Variants in CDH18 observed in about 807,000 individuals in gnomAD.
CDH18 encodes cadherin-18.
CDH18 carries 31 observed loss-of-function variants against 67.9 expected under a neutral mutation model. The ratio of observed to expected loss-of-function variants is 0.46; its 90% CI spans 0.34 to 0.62. CDH18 has a LOEUF of 0.62. Ranked by LOEUF, CDH18 falls within the 20% of genes least tolerant of loss-of-function variation. CDH18 has a pLI of 0.01. For synonymous variants in CDH18, 362 were observed against 347.2 expected (o/e 1.04, Z -0.48); for missense variants, 890 against 975.5 (o/e 0.91, Z 1.17).
intron 5 of CDH18, among the ~76,000 whole-genome samples, chr5:19,642,951 C>T (rs532678716): frequency 6.6e-6 from 1 of 151,922 alleles, no homozygotes; most frequent in Non-Finnish European, 1.5e-5. Flanking sequence ...AAAATATATA[C>T]AGAACTCACA....
chr5:19,654,486 C>A (rs1460905957), intron 5 of CDH18, among the ~76,000 whole-genome samples: 1 of 152,138 alleles, frequency 6.6e-6, no homozygotes, highest in Non-Finnish European at 1.5e-5. Flanking sequence ...AGCCGCTGTG[C>A]ATTCAAACCC....
intron 1 of CDH18, among the ~76,000 whole-genome samples, chr5:20,512,047 C>G (rs1755068595): frequency 6.6e-6 from 1 of 151,818 alleles, no homozygotes; most frequent in South Asian, 2.1e-4. Flanking sequence ...ATAGTGAAAC[C>G]CCATCTCTAC....
At chr5:20,551,045 C>A (rs1258324455) in intron 1 of CDH18, among the ~76,000 whole-genome samples, 1 of 152,006 alleles carries the variant, frequency 6.6e-6, no homozygotes, top group Non-Finnish European at 1.5e-5. Context: ...AAGTTTCTGG[C>A]AATTCATTAC....
chr5:20,377,677 A>G (rs1295529481), intron 1 of CDH18, among the ~76,000 whole-genome samples: 1 of 152,230 alleles, frequency 6.6e-6, no homozygotes, highest in East Asian at 1.9e-4. Flanking sequence ...AAATATGTTA[A>G]TCATGACTTA....
At chr5:20,301,710 T>C (rs1318314658) in intron 1 of CDH18, among the ~76,000 whole-genome samples, 1 of 152,068 alleles carries the variant, frequency 6.6e-6, no homozygotes, top group Non-Finnish European at 1.5e-5. Context: ...GAAAACTTGT[T>C]TTGAACTCTA....
chr5:20,444,035 AG>A (rs1347300767), intron 1 of CDH18, among the ~76,000 whole-genome samples: 3 of 151,958 alleles, frequency 2.0e-5, no homozygotes, highest in Non-Finnish European at 4.4e-5. Flanking sequence ...TTGCTACAAA[AG>A]ATGTTTATAT....
intron 9 of CDH18, among the ~76,000 whole-genome samples, chr5:19,537,971 G>A (rs1272239805): frequency 6.6e-6 from 1 of 152,152 alleles, no homozygotes; most frequent in Non-Finnish European, 1.5e-5. Context: ...GATGAACATA[G>A]TCAAATGTCA....
intron 8 of CDH18, among the ~76,000 whole-genome samples, chr5:19,553,403 T>C (rs1737803957): frequency 6.6e-6 from 1 of 151,554 alleles, no homozygotes; most frequent in Non-Finnish European, 1.5e-5. Flanking sequence ...ACTTAAAGTA[T>C]AATAATAATA....
intron 1 of CDH18, among the ~76,000 whole-genome samples, chr5:20,382,965 A>T (rs967677377): frequency 6.6e-6 from 1 of 152,120 alleles, no homozygotes; most frequent in African/African-American, 2.4e-5. Flanking sequence ...CCAAATAGGA[A>T]CATCTCTATT....
chr5:19,514,415 C>G (rs1373269073), intron 10 of CDH18, among the ~76,000 whole-genome samples: 2 of 152,186 alleles, frequency 1.3e-5, no homozygotes, highest in Admixed American at 6.5e-5. Flanking sequence ...CTTGAGGAAT[C>G]TCCACACCGT....
At chr5:19,757,426 G>T (rs1369514311) in intron 3 of CDH18, among the ~76,000 whole-genome samples, 1 of 152,194 alleles carries the variant, frequency 6.6e-6, no homozygotes, top group Admixed American at 6.5e-5. Context: ...AGTGGCTGTA[G>T]CCAGGTCAGC....
Position 19,593,686 on chromosome 5 carries a change from T to TC in CDH18, c.812-2443dup, listed in dbSNP as rs1561425336. Among the ~76,000 whole-genome samples, 3 of 14,752 alleles carry TC rather than the reference T, an allele frequency of 2.0e-4. No homozygotes were observed. In the East Asian group the frequency reaches 0.088, roughly 434 times the overall value. 9.7% of individuals were successfully genotyped at this position (14,752 alleles called of 152,430 possible). On this transcript the variant is annotated intron_variant, in intron 6 of 12. Coordinates refer to ENST00000382275, the MANE Select transcript of CDH18 (RefSeq NM_004934.5). ...CTTCTACCTCCTTCTTCCTCCTCCT[T>TC]CTCTTCCTCTTCCTCCTCCTCCTTC...
chr5:19,639,903 A>T (rs541622261), intron 5 of CDH18, among the ~76,000 whole-genome samples: 1 of 152,362 alleles, frequency 6.6e-6, no homozygotes, highest in African/African-American at 2.4e-5. Context: ...CAAGGGAATT[A>T]CCATAAGGCT....
intron 2 of CDH18, among the ~76,000 whole-genome samples, chr5:19,921,303 G>A (rs951737253): frequency 4.6e-5 from 7 of 152,090 alleles, no homozygotes; most frequent in Non-Finnish European, 8.8e-5. Context: ...AGGCCAAGGC[G>A]GGCGGATCAC....
intron 7 of CDH18, among the ~76,000 whole-genome samples, chr5:19,575,025 T>G (rs921581599): frequency 4.0e-5 from 6 of 151,602 alleles, no homozygotes; most frequent in Non-Finnish European, 7.4e-5. Flanking sequence ...GGTGACAGAG[T>G]CAGACAAAAA....
intron 1 of CDH18, among the ~76,000 whole-genome samples, chr5:20,462,939 TA>T (rs1229891302): frequency 6.6e-6 from 1 of 152,188 alleles, no homozygotes; most frequent in Non-Finnish European, 1.5e-5. Context: ...TTTGTATTTC[TA>T]AAAGGACATC....
intron 6 of CDH18, among the ~76,000 whole-genome samples, chr5:19,593,253 A>G (rs1745475569): frequency 2.0e-5 from 3 of 152,144 alleles, no homozygotes; most frequent in African/African-American, 7.2e-5. Context: ...TATATTCTGT[A>G]GACGCTACAC....
chr5:20,404,995 T>C (rs1430517317), intron 1 of CDH18, among the ~76,000 whole-genome samples: 1 of 152,178 alleles, frequency 6.6e-6, no homozygotes, highest in Non-Finnish European at 1.5e-5. Flanking sequence ...TCCAAATAGA[T>C]GAACAGATTT....
intron 7 of CDH18, among the ~76,000 whole-genome samples, chr5:19,577,593 C>T (rs745920071): frequency 2.6e-5 from 4 of 152,106 alleles, no homozygotes; most frequent in Non-Finnish European, 5.9e-5. Flanking sequence ...TTCACCCACA[C>T]CTGATTAAGA....
Sources: allele counts gnomAD v4.1 joint callset (sites outside exome capture counted in the v4.1 genomes callset), GRCh38; gene constraint gnomAD v4.1.1; transcripts MANE v1.5; gene names NCBI Gene and HGNC (gene_info 2026-07-23, HGNC 2026-07-21).